PRKCH: variants seen among roughly 807,000 people sequenced by gnomAD.
The protein encoded by PRKCH is protein kinase C eta type.
Under a neutral mutation model 82.5 loss-of-function variants are expected in PRKCH, and 28 were observed. The observed-to-expected ratio is 0.34, with a 90% CI of 0.25 to 0.47. The LOEUF (loss-of-function observed/expected upper bound fraction) is 0.47, where lower values mean the gene tolerates loss of function less well. Ranked by LOEUF, PRKCH falls within the 20% of genes least tolerant of loss-of-function variation. The pLI is 1.00. For missense variants in PRKCH, 705 were observed against 881.8 expected, an observed-to-expected ratio of 0.80 and a Z score of 2.54; for synonymous variants, 322 against 327.4, an observed-to-expected ratio of 0.98 and a Z score of 0.18.
chr14:61,529,811 C>T (rs2043020460), intron 11 of PRKCH, among the ~76,000 whole-genome samples: 1 of 148,950 alleles, frequency 6.7e-6, no homozygotes, highest in Non-Finnish European at 1.5e-5. Flanking sequence ...TGCTAGATGA[C>T]GAGTTAGTGG....
At chr14:61,372,938 T>A (rs979514991) in intron 1 of PRKCH, among the ~76,000 whole-genome samples, 2 of 152,104 alleles carry the variant, frequency 1.3e-5, no homozygotes, top group African/African-American at 4.8e-5. Flanking sequence ...CAACTCATCA[T>A]TTGGCTTAAC....
intron 1 of PRKCH, among the ~76,000 whole-genome samples, chr14:61,219,780 C>T (rs187144480): frequency 5.3e-5 from 8 of 152,290 alleles, no homozygotes; most frequent in Admixed American, 5.2e-4. Flanking sequence ...TATAACGAAG[C>T]TTCTTTATAA....
chr14:61,514,314 T>TAAAA (rs546556676), intron 10 of PRKCH, among the ~76,000 whole-genome samples: 49 of 132,130 alleles, frequency 3.7e-4, no homozygotes, highest in African/African-American at 1.2e-3. Flanking sequence ...TCTTCTCCTT[T>TAAAA]AAAAAAAAAA....
intron 1 of PRKCH, among the ~76,000 whole-genome samples, chr14:61,301,935 T>C (rs2045450684): frequency 1.3e-5 from 2 of 152,366 alleles, no homozygotes; most frequent in South Asian, 4.1e-4. Flanking sequence ...ATAGAATTTT[T>C]TTCATCATTC....
chr14:61,324,856 A>C (rs951497574), intron 1 of PRKCH, among the ~76,000 whole-genome samples: 1 of 152,178 alleles, frequency 6.6e-6, no homozygotes, highest in East Asian at 1.9e-4. Flanking sequence ...ATGTGGAATA[A>C]TTGAATTTAC....
intron 5 of PRKCH, 99 bp downstream of exon 5, chr14:61,449,351 T>G: frequency 9.9e-7 from 1 of 1,014,960 alleles, no homozygotes; most frequent in Non-Finnish European, 1.5e-6. Flanking sequence ...TCCCCCTCTT[T>G]TCCTTCTCCC....
intron 10 of PRKCH, among the ~76,000 whole-genome samples, chr14:61,522,008 C>T (rs2042913452): frequency 6.6e-6 from 1 of 152,180 alleles, no homozygotes; most frequent in South Asian, 2.1e-4. Context: ...CCGAACCAGC[C>T]TTCCCTTTGA....
chr14:61,322,793 A>G, intron 1 of PRKCH: 1 of 278,112 alleles, frequency 3.6e-6, no homozygotes, highest in Non-Finnish European at 6.9e-6. Context: ...CACGAGAGTG[A>G]TAGGTAGGAA....
intron 1 of PRKCH, among the ~76,000 whole-genome samples, chr14:61,215,748 C>T (rs1007691646): frequency 2.0e-5 from 3 of 152,172 alleles, no homozygotes; most frequent in African/African-American, 7.2e-5. Flanking sequence ...AAGAGTACGA[C>T]CCTGCTATAG....
chr14:61,405,240 A>G (rs993113158), intron 2 of PRKCH, among the ~76,000 whole-genome samples: 2 of 152,246 alleles, frequency 1.3e-5, no homozygotes, highest in Admixed American at 6.5e-5. Flanking sequence ...CTGGAAATCT[A>G]TAACAAGTCC....
At chr14:61,448,418 T>A (rs1884329354) in intron 4 of PRKCH, among the ~76,000 whole-genome samples, 1 of 152,242 alleles carries the variant, frequency 6.6e-6, no homozygotes, top group Admixed American at 6.5e-5. Context: ...CAACAGTTGA[T>A]TAAGCCATTC....
chr14:61,398,734 G>A (rs1003233039), intron 2 of PRKCH, among the ~76,000 whole-genome samples: 4 of 152,140 alleles, frequency 2.6e-5, no homozygotes, highest in African/African-American at 7.2e-5. Flanking sequence ...GTTACACCAT[G>A]GGATGTAATC....
intron 1 of PRKCH, among the ~76,000 whole-genome samples, chr14:61,375,036 A>G (rs2046412193): frequency 6.6e-6 from 1 of 152,026 alleles, no homozygotes; most frequent in African/African-American, 2.4e-5. Flanking sequence ...ATGAGTGTAC[A>G]CTTTGAGAAA....
chr14:61,354,810 C>T (rs1252006429), intron 1 of PRKCH, among the ~76,000 whole-genome samples: 1 of 152,168 alleles, frequency 6.6e-6, no homozygotes, highest in Non-Finnish European at 1.5e-5. Flanking sequence ...CTCAGAATAA[C>T]TAAGATTACT....
At chr14:61,253,766 G>A (rs577585900) in intron 1 of PRKCH, among the ~76,000 whole-genome samples, 8 of 152,206 alleles carry the variant, frequency 5.3e-5, no homozygotes, top group Non-Finnish European at 1.2e-4. Context: ...CCTAAGCCTC[G>A]GTTTCCTCCT....
At chr14:61,337,293 G>A (rs769054823) in intron 1 of PRKCH, among the ~76,000 whole-genome samples, 7 of 151,148 alleles carry the variant, frequency 4.6e-5, no homozygotes, top group East Asian at 2.0e-4. Context: ...ATAGGCGTGC[G>A]CCACCAAGCT....
intron 1 of PRKCH, among the ~76,000 whole-genome samples, chr14:61,307,471 T>C (rs1446422606): frequency 1.3e-5 from 2 of 152,210 alleles, no homozygotes; most frequent in African/African-American, 4.8e-5. Context: ...ATAAGGCCTA[T>C]TGATCCAGTA....
chr14:61,280,337 G>T lies in PRKCH; in HGVS notation c.-19+92669G>T, dbSNP rs759865539. The T allele has an allele frequency of 9.9e-6, 16 of 1,613,772 alleles. No homozygotes were observed. The African/African-American group carries it at 1.9e-4, about 19-fold the overall frequency. ...GGCAGCCCGGCCGAGTAGTTGCCCT[G>T]GCGGATGCGCGCGTACAGTTTGCGG... is the stretch of plus-strand genomic sequence containing the variant. On this transcript the variant is annotated intron_variant, in intron 1 of 3. Coordinates refer to the PRKCH transcript ENST00000555185. The surrounding 1 kb of genome is among the most constrained non-coding windows in gnomAD (Gnocchi z 5.0).
chr14:61,509,276 G>A (rs1260734049), intron 10 of PRKCH, among the ~76,000 whole-genome samples: 6 of 152,046 alleles, frequency 3.9e-5, no homozygotes, highest in Non-Finnish European at 5.9e-5. Flanking sequence ...CTGGCATACC[G>A]CAACACACTC....
Sources: gnomAD v4.1 joint callset for allele counts (sites outside exome capture counted in the v4.1 genomes callset) on GRCh38, gnomAD v4.1.1 for gene constraint, Gnocchi (gnomAD v3.1) non-coding constraint, MANE v1.5 for transcripts, NCBI Gene and HGNC (gene_info 2026-07-23, HGNC 2026-07-21) for gene names.